The following VMA22 variants were observed in gnomAD, a reference collection of about 807,000 sequenced individuals.
VMA22 encodes the protein vacuolar ATPase assembly factor VMA22, also known as vacuolar ATPase assembly protein VMA22.
At chr2:130,341,800 C>CGGGGGGGGGGGG in the VMA22 span, 1 of 1,388,820 alleles carries the variant, frequency 7.2e-7, no homozygotes, top group Non-Finnish European at 9.9e-7. Context: ...GCCTAGAACG[C>CGGGGGGGGGGGG]GCCCGCCCGC....
chr2:130,342,061 T>C, the VMA22 span: 1 of 1,613,686 alleles, frequency 6.2e-7, no homozygotes, highest in East Asian at 2.2e-5. Flanking sequence ...CTCCAGCTCC[T>C]CCAGGTCCCC....
chr2:130,342,027 G>T, the VMA22 span: 2 of 1,613,886 alleles, frequency 1.2e-6, no homozygotes, highest in Middle Eastern at 3.3e-4. Context: ...CCTCCACCCG[G>T]GCGTTCAACA....
the VMA22 span, chr2:130,339,742 T>C: frequency 7.7e-7 from 1 of 1,304,188 alleles, no homozygotes; most frequent in African/African-American, 1.5e-5. Flanking sequence ...AAACACTTTC[T>C]CTTCTTGGCC....
At chr2:130,340,069 G>C in the VMA22 span, 1 of 208,548 alleles carries the variant, frequency 4.8e-6, no homozygotes, top group South Asian at 7.2e-5. Context: ...CCTCTCAGCT[G>C]CCCACAGCAG....
the VMA22 span, chr2:130,342,024 C>G: frequency 1.9e-6 from 3 of 1,613,966 alleles, no homozygotes; most frequent in Non-Finnish European, 2.5e-6. Context: ...CCTCCTCCAC[C>G]CGGGCGTTCA....
At chr2:130,339,751 C>A in the VMA22 span, 1 of 1,304,090 alleles carries the variant, frequency 7.7e-7, no homozygotes, top group Non-Finnish European at 1.0e-6. Context: ...CTCTTCTTGG[C>A]CTCCAGGACA....
chr2:130,342,323 A>C, the VMA22 span: 30 of 970,662 alleles, frequency 3.1e-5, no homozygotes, highest in Non-Finnish European at 4.2e-5. Flanking sequence ...CAACCAATCA[A>C]CTGGTTTCTC....
At chr2:130,342,464 A>C in the VMA22 span, 1 of 534,260 alleles carries the variant, frequency 1.9e-6, no homozygotes, top group African/African-American at 1.9e-5. Flanking sequence ...GCGAAGCTCT[A>C]CAGAAACCAT....
chr2:130,340,691 T>C, the VMA22 span: 2 of 590,014 alleles, frequency 3.4e-6, no homozygotes, highest in Admixed American at 3.0e-5. Flanking sequence ...GTCTCTTTTG[T>C]TCCCTGCTGT....
chr2:130,341,033 C>G, the VMA22 span: 1 of 1,605,274 alleles, frequency 6.2e-7, no homozygotes, highest in East Asian at 2.2e-5. Context: ...CTTGCGCCTC[C>G]GCAGACCTGA....
the VMA22 span, chr2:130,340,644 C>T: frequency 2.0e-6 from 1 of 490,930 alleles, no homozygotes; most frequent in Non-Finnish European, 3.7e-6. Context: ...TTGCACGTTG[C>T]CTTTGTCTGC....
the VMA22 span, chr2:130,342,106 C>G: frequency 1.9e-6 from 3 of 1,613,658 alleles, no homozygotes; most frequent in African/African-American, 2.7e-5. Flanking sequence ...CAGCTCCGCT[C>G]GCAGGTCAAG....
chr2:130,340,106 G>A, the VMA22 span: 2 of 175,336 alleles, frequency 1.1e-5, no homozygotes, highest in African/African-American at 4.7e-5. Flanking sequence ...CCTCCCAGGG[G>A]TTCTGGGTGG....
chr2:130,341,918 G>C, the VMA22 span: 1 of 1,613,328 alleles, frequency 6.2e-7, no homozygotes, highest in African/African-American at 1.3e-5. Flanking sequence ...CCATCGCGTA[G>C]CGAGCCTTGG....
the VMA22 span, chr2:130,341,488 A>C: frequency 1.7e-6 from 1 of 596,968 alleles, no homozygotes; most frequent in East Asian, 2.9e-5. Flanking sequence ...AAAGCAACTC[A>C]CCAACAATTT....
chr2:130,342,639 G>A, the VMA22 span: 6 of 485,868 alleles, frequency 1.2e-5, no homozygotes, highest in East Asian at 3.2e-5. Flanking sequence ...GTGGTGGGGG[G>A]AGGACGAGGA....
the VMA22 span, chr2:130,339,148 A>AG: frequency 6.2e-7 from 1 of 1,613,984 alleles, no homozygotes; most frequent in Non-Finnish European, 8.5e-7. Flanking sequence ...CAGCTGCTTG[A>AG]GTTTCTCTTG....
At chr2:130,339,776 T>C in the VMA22 span, 2 of 1,303,370 alleles carry the variant, frequency 1.5e-6, no homozygotes, top group Non-Finnish European at 2.0e-6. Flanking sequence ...CCCCCAGGTG[T>C]TGCTCCTCAG....
chr2:130,341,763 A>G, the VMA22 span: 1 of 1,610,186 alleles, frequency 6.2e-7, no homozygotes, highest in Non-Finnish European at 8.5e-7. Context: ...AAGGACGAGA[A>G]GGGAGGATGG....
Sources: gnomAD v4.1 joint callset for allele counts on GRCh38, gnomAD v4.1.1 for gene constraint, MANE v1.5 for transcripts, NCBI Gene and HGNC (gene_info 2026-07-23, HGNC 2026-07-21) for gene names.